The following MPZL1 variants were observed in gnomAD, a reference collection of about 807,000 sequenced individuals.
The protein encoded by MPZL1 is myelin protein zero-like protein 1.
In MPZL1, 16 loss-of-function variants were observed where a neutral mutation model predicts 29.3. The ratio of observed to expected loss-of-function variants is 0.55; its 90% CI spans 0.37 to 0.83. MPZL1 has a LOEUF of 0.83. Ranked by LOEUF, MPZL1 falls within the 40% of genes least tolerant of loss-of-function variation. The pLI, the probability that MPZL1 is intolerant of heterozygous loss-of-function variation, is 0.00. For missense variants in MPZL1, 279 were observed against 332.9 expected (o/e 0.84, Z 1.26); for synonymous variants, 143 against 132.0 (o/e 1.08, Z -0.57).
At chr1:167,783,380 T>C (rs1321350061) in intron 5 of MPZL1, among the ~76,000 whole-genome samples, 1 of 152,210 alleles carries the variant, frequency 6.6e-6, no homozygotes, top group African/African-American at 2.4e-5. Flanking sequence ...GAGATTGGTA[T>C]AAAGTAATTT....
chr1:167,726,077 A>G (rs565014896), intron 1 of MPZL1, among the ~76,000 whole-genome samples: 2 of 152,276 alleles, frequency 1.3e-5, no homozygotes, highest in South Asian at 4.1e-4. Context: ...GCTCTTTGTG[A>G]TCTGGTTTCT....
In MPZL1 at chr1:167,746,815, C is replaced by T. The variant is rs79940047; in HGVS notation, c.92-18768C>T. 9.4e-4 allele frequency among the ~76,000 whole-genome samples: 143 copies of T among 152,288 alleles called. 1 individual carries two copies. The highest frequency in any genetic ancestry group is 8.1e-3 in the East Asian group (42 of 5,192). ...TATTCTTAAATTAAAGGTGATTTAT[C>T]ATTCTTAGTTTCCTCTAAAATATAA... On this transcript the variant is annotated intron_variant, in intron 1 of 5. Coordinates refer to ENST00000359523, the MANE Select transcript of MPZL1 (RefSeq NM_003953.6).
intron 1 of MPZL1, among the ~76,000 whole-genome samples, chr1:167,760,783 G>GTC (rs34653740): frequency 0.28 from 40,755 of 147,238 alleles, 6,557 homozygotes; most frequent in Admixed American, 0.34. Context: ...GTGTGTGTGT[G>GTC]TGTGTGTGTG....
intron 1 of MPZL1, among the ~76,000 whole-genome samples, chr1:167,739,282 C>CACATATATATATATATATACATATAT (rs1553254286): frequency 6.6e-5 from 6 of 90,394 alleles, no homozygotes; most frequent in African/African-American, 3.8e-4. Flanking sequence ...TACATATATA[C>CACATATATATATATATATACATATAT]ATATATATAT....
chr1:167,771,601 A>G (rs1661249807), intron 2 of MPZL1, among the ~76,000 whole-genome samples: 1 of 151,960 alleles, frequency 6.6e-6, no homozygotes. Context: ...CACTTCCCAG[A>G]CGGGGTGGTG....
intron 5 of MPZL1, among the ~76,000 whole-genome samples, chr1:167,781,038 G>A (rs796244205): frequency 2.6e-5 from 4 of 152,148 alleles, no homozygotes; most frequent in African/African-American, 9.6e-5. Context: ...ATGACAAAGT[G>A]ATCTACTCAT....
Position 167,773,233 on chromosome 1 carries a change from T to G in MPZL1, c.473-3T>G. 2 of 1,611,940 alleles carry G rather than the reference T, an allele frequency of 1.2e-6. No individual in the cohort carries two copies. Among genetic ancestry groups the G allele is most frequent in the Non-Finnish European group, 1.7e-6 (2 of 1,178,634 alleles). Reference sequence around the variant, plus strand: ...TTAAAACTATTTTGTTCTTTCTCTCTAGAGAATTTGCCTGTGTTTCCAGTT... The same window carrying G: ...TTAAAACTATTTTGTTCTTTCTCTCGAGAGAATTTGCCTGTGTTTCCAGTT... On this transcript the variant is annotated splice_region_variant and splice_polypyrimidine_tract_variant and intron_variant, in intron 3 of 5. Transcript: ENST00000359523.
At chr1:167,735,210 A>G (rs954513712) in intron 1 of MPZL1, among the ~76,000 whole-genome samples, 1 of 152,218 alleles carries the variant, frequency 6.6e-6, no homozygotes, top group Non-Finnish European at 1.5e-5. Flanking sequence ...TAGTTTGACA[A>G]AAATGTTTAA....
rs149718903 is a variant in MPZL1 at position 167,758,464 on chromosome 1, G to A, written c.92-7119G>A. Among the ~76,000 whole-genome samples, 289 of 152,068 alleles carry A rather than the reference G, an allele frequency of 1.9e-3. 2 individuals are homozygous for A. The highest frequency in any genetic ancestry group is 6.4e-3 in the African/African-American group (264 of 41,532). ...AGTCATGTCAGGAAATAGACTCTTA[G>A]GTGAACCATTCTTGAATTTGCCTTT... On this transcript the variant is annotated intron_variant, in intron 1 of 5. Transcript: ENST00000359523.
At chr1:167,726,494 A>G (rs759995389) in intron 1 of MPZL1, among the ~76,000 whole-genome samples, 2 of 152,240 alleles carry the variant, frequency 1.3e-5, no homozygotes, top group Non-Finnish European at 2.9e-5. Context: ...GCAGTGAGGC[A>G]TAGGCATGTC....
chr1:167,770,740 C>T (rs1299482609), intron 2 of MPZL1, among the ~76,000 whole-genome samples: 1 of 152,186 alleles, frequency 6.6e-6, no homozygotes, highest in South Asian at 2.1e-4. Context: ...GCTTTGAAGA[C>T]TCAGATGGGC....
intron 1 of MPZL1, among the ~76,000 whole-genome samples, chr1:167,760,295 C>T (rs1048421058): frequency 3.3e-5 from 5 of 152,094 alleles, no homozygotes; most frequent in South Asian, 2.1e-4. Flanking sequence ...CTCCGCCTCC[C>T]GGGTTCACGC....
intron 1 of MPZL1, among the ~76,000 whole-genome samples, chr1:167,737,308 C>A (rs1440810771): frequency 6.6e-6 from 1 of 152,160 alleles, no homozygotes; most frequent in Admixed American, 6.5e-5. Context: ...GGAAGCAGAA[C>A]CTCCCAGAAC....
chr1:167,741,827 G>A (rs897764928), intron 1 of MPZL1, among the ~76,000 whole-genome samples: 3 of 152,074 alleles, frequency 2.0e-5, no homozygotes, highest in Non-Finnish European at 4.4e-5. Context: ...GAGCTCAGCA[G>A]TTCAAGACCG....
At chr1:167,786,527 G>C (rs1661596086) in intron 5 of MPZL1, among the ~76,000 whole-genome samples, 1 of 152,204 alleles carries the variant, frequency 6.6e-6, no homozygotes, top group Non-Finnish European at 1.5e-5. Flanking sequence ...GTTCAACAAA[G>C]ACGATATCAT....
intron 1 of MPZL1, among the ~76,000 whole-genome samples, chr1:167,747,731 C>CT (rs904468001): frequency 1.6e-3 from 239 of 148,130 alleles, no homozygotes; most frequent in African/African-American, 4.6e-3. Context: ...TCTACAGCTG[C>CT]TTTTTTTTTT....
chr1:167,748,567 T>C (rs1008619101), intron 1 of MPZL1, among the ~76,000 whole-genome samples: 1 of 152,234 alleles, frequency 6.6e-6, no homozygotes, highest in Non-Finnish European at 1.5e-5. Context: ...TCTCTCATTC[T>C]GTGGATGTCT....
At chr1:167,749,452 C>T (rs1660712612) in intron 1 of MPZL1, among the ~76,000 whole-genome samples, 1 of 152,102 alleles carries the variant, frequency 6.6e-6, no homozygotes, top group African/African-American at 2.4e-5. Context: ...AAAGAGGAGG[C>T]TTAGGGGAAA....
intron 1 of MPZL1, among the ~76,000 whole-genome samples, chr1:167,750,782 A>G (rs1304124498): frequency 1.3e-5 from 2 of 152,250 alleles, no homozygotes; most frequent in Admixed American, 6.5e-5. Context: ...CGTTGATCCA[A>G]TAATGTCCAT....
Sources: allele counts gnomAD v4.1 joint callset (sites outside exome capture counted in the v4.1 genomes callset), GRCh38; gene constraint gnomAD v4.1.1; transcripts MANE v1.5; gene names NCBI Gene and HGNC (gene_info 2026-07-23, HGNC 2026-07-21).